The following LRP1B variants were observed in gnomAD, a reference collection of about 807,000 sequenced individuals.
LRP1B encodes the protein low-density lipoprotein receptor-related protein 1B.
Under a neutral mutation model 556.6 loss-of-function variants are expected in LRP1B, and 217 were observed. That is an observed-to-expected ratio of 0.39 (90% CI 0.35 to 0.44). The LOEUF (loss-of-function observed/expected upper bound fraction) is 0.44. LRP1B is among the 20% of genes least tolerant of loss of function. LRP1B has a pLI of 1.00. For missense variants in LRP1B, 5,053 were observed against 5,620.8 expected (o/e 0.90, Z 3.23); for synonymous variants, 2,047 against 1,865.8 (o/e 1.10, Z -2.50).
At chr2:142,023,846 T>TAG (rs1250491459) in intron 1 of LRP1B, among the ~76,000 whole-genome samples, 6 of 151,612 alleles carry the variant, frequency 4.0e-5, no homozygotes, top group African/African-American at 1.2e-4. Context: ...GCCCTGCCTC[T>TAG]ATGAAGCATT....
intron 7 of LRP1B, among the ~76,000 whole-genome samples, chr2:141,150,950 G>A (rs901023077): frequency 2.7e-5 from 4 of 148,732 alleles, no homozygotes; most frequent in Non-Finnish European, 4.5e-5. Flanking sequence ...ATCAAAGAGG[G>A]TAACAAATAT....
chr2:141,974,957 T>C (rs1350647500), intron 1 of LRP1B, among the ~76,000 whole-genome samples: 1 of 152,124 alleles, frequency 6.6e-6, no homozygotes, highest in Non-Finnish European at 1.5e-5. Flanking sequence ...TAGTGAAAGT[T>C]ATATTGCACA....
chr2:141,635,419 C>A (rs1485517732), intron 2 of LRP1B, among the ~76,000 whole-genome samples: 1 of 151,530 alleles, frequency 6.6e-6, no homozygotes, highest in Non-Finnish European at 1.5e-5. Context: ...TGGAGAAATA[C>A]AAAAAAAAGT....
chr2:141,115,169 A>T (rs190944501), intron 7 of LRP1B, among the ~76,000 whole-genome samples: 5 of 149,250 alleles, frequency 3.4e-5, no homozygotes, highest in Admixed American at 2.7e-4. Context: ...AAAAAAAAGC[A>T]TGTGGACTTT....
At chr2:141,544,328 C>CTT (rs1177606911) in intron 2 of LRP1B, among the ~76,000 whole-genome samples, 1,661 of 36,698 alleles carry the variant, frequency 0.045, 67 homozygotes, top group Non-Finnish European at 0.063. Flanking sequence ...TCTTCTTCTT[C>CTT]TTCTTCTTCT....
intron 1 of LRP1B, among the ~76,000 whole-genome samples, chr2:142,026,118 A>G (rs1175534628): frequency 6.6e-6 from 1 of 152,052 alleles, no homozygotes; most frequent in Non-Finnish European, 1.5e-5. Context: ...TCTAAAAAAA[A>G]CCCCATACTT....
At chr2:140,653,209 A>C (rs1574196599) in intron 41 of LRP1B, among the ~76,000 whole-genome samples, 2 of 152,146 alleles carry the variant, frequency 1.3e-5, no homozygotes, top group East Asian at 3.9e-4. Flanking sequence ...GAATGATGGA[A>C]GACAAATTTG....
rs539600339 is a variant in LRP1B, at chr2:140,477,601, T to C, written c.9426-2264A>G. Among the ~76,000 whole-genome samples the C allele has an allele frequency of 3.9e-5, 6 of 152,290 alleles. No homozygotes were observed. In the South Asian group the frequency reaches 1.2e-3, roughly 32 times the overall value. ...ATTGAAAATTATTAGATGTCAATAA[T>C]AATGTTTCTTAAGTAAACTACAAAT... On this transcript the variant is annotated intron_variant, in intron 59 of 90. Transcript: ENST00000389484.
At chr2:141,599,952 C>A (rs577027117) in intron 2 of LRP1B, among the ~76,000 whole-genome samples, 4 of 152,040 alleles carry the variant, frequency 2.6e-5, no homozygotes, top group Non-Finnish European at 4.4e-5. Flanking sequence ...ACTCCCTGCC[C>A]GCTCCACACA....
chr2:140,746,254 A>C (rs1316882774), intron 35 of LRP1B, among the ~76,000 whole-genome samples: 1 of 152,300 alleles, frequency 6.6e-6, no homozygotes, highest in Admixed American at 6.5e-5. Context: ...CCCACATATA[A>C]GTTCCCTTCA....
chr2:141,012,760 A>T (rs1312262022), intron 14 of LRP1B, among the ~76,000 whole-genome samples: 1 of 151,942 alleles, frequency 6.6e-6, no homozygotes. Context: ...CTGTTGCTAG[A>T]TAATTTCCAA....
chr2:140,321,236 G>GT (rs11351284), intron 82 of LRP1B, among the ~76,000 whole-genome samples: 5 of 151,116 alleles, frequency 3.3e-5, no homozygotes, highest in Admixed American at 1.3e-4. Context: ...ACTGTTTTGT[G>GT]TTTTTTTTAT....
chr2:141,185,696 AC>A lies in LRP1B; in HGVS notation c.1013+2724del, dbSNP rs1462159490. Among the ~76,000 whole-genome samples, 164 of 131,278 alleles carry A rather than the reference AC, an allele frequency of 1.2e-3. 2 individuals are homozygous for A. The highest frequency in any genetic ancestry group is 4.5e-3 in the African/African-American group (160 of 35,316). 86.1% of individuals were successfully genotyped at this position (131,278 alleles called of 152,430 possible). On this transcript the variant is annotated intron_variant, in intron 7 of 90. Coordinates refer to ENST00000389484, the MANE Select transcript of LRP1B (RefSeq NM_018557.3). ...CTGAAAAACAAACAAACAAAAAAAA[AC>A]AAAAAAAAAAACAAGAACCAAAAAA...
intron 43 of LRP1B, among the ~76,000 whole-genome samples, chr2:140,588,558 T>C (rs137895224): frequency 6.6e-6 from 1 of 152,362 alleles, no homozygotes; most frequent in East Asian, 1.9e-4. Flanking sequence ...CTGTGTGTTA[T>C]TGACAGAGTG....
chr2:141,544,355 C>CTTCTTCTTCTT (rs1685448086), intron 2 of LRP1B, among the ~76,000 whole-genome samples: 1 of 95,904 alleles, frequency 1.0e-5, no homozygotes, highest in African/African-American at 3.6e-5. Flanking sequence ...TCTTCTTCTT[C>CTTCTTCTTCTT]TTCTTCTTCT....
intron 66 of LRP1B, among the ~76,000 whole-genome samples, chr2:140,393,156 T>G (rs1684099318): frequency 6.6e-6 from 1 of 151,944 alleles, no homozygotes; most frequent in Non-Finnish European, 1.5e-5. Context: ...ATTTTTTTTT[T>G]TTTTAGCTTT....
chr2:140,341,161 G>A lies in LRP1B; in HGVS notation c.11893-5323C>T, dbSNP rs373456611. Among the ~76,000 whole-genome samples, 19 of 151,662 alleles carry A rather than the reference G, an allele frequency of 1.3e-4. No individual in the cohort carries two copies. The East Asian group carries it at 3.5e-3, about 28-fold the overall frequency. On this transcript the variant is annotated intron_variant, in intron 77 of 90. Coordinates refer to ENST00000389484, the MANE Select transcript of LRP1B (RefSeq NM_018557.3). ...AAATAAATTGTGTTCTTATATCTCA[G>A]TGTCTCTCATCCATCAAATTCATTC...
intron 55 of LRP1B, among the ~76,000 whole-genome samples, chr2:140,499,124 A>G (rs1178238713): frequency 6.6e-6 from 1 of 151,898 alleles, no homozygotes; most frequent in African/African-American, 2.4e-5. Context: ...TTAATAAACA[A>G]GTATTTATGT....
At chr2:140,597,650 G>A (rs750683664) in intron 43 of LRP1B, among the ~76,000 whole-genome samples, 2 of 152,168 alleles carry the variant, frequency 1.3e-5, no homozygotes, top group Non-Finnish European at 2.9e-5. Context: ...ATTAAACAGT[G>A]TGCTTAGCCA....
Sources: allele counts gnomAD v4.1 joint callset (sites outside exome capture counted in the v4.1 genomes callset), GRCh38; gene constraint gnomAD v4.1.1; transcripts MANE v1.5; gene names NCBI Gene and HGNC (gene_info 2026-07-23, HGNC 2026-07-21).